Variants in VTI1A observed in about 807,000 individuals in gnomAD.
VTI1A encodes the protein vesicle transport through interaction with t-SNAREs 1A, also known as vesicle transport through interaction with t-SNAREs homolog 1A.
In VTI1A, 22 loss-of-function variants were observed where a neutral mutation model predicts 34.9. That is an observed-to-expected ratio of 0.63 (90% confidence interval 0.45 to 0.90). VTI1A has a LOEUF of 0.90. Ranked by LOEUF, VTI1A falls within the 40% of genes least tolerant of loss-of-function variation. The pLI is 0.00. For missense variants in VTI1A, 268 were observed against 275.6 expected (o/e 0.97, Z 0.20); for synonymous variants, 87 against 97.3 (o/e 0.89, Z 0.62).
chr10:112,754,395 G>C (rs760471413), intron 7 of VTI1A, among the ~76,000 whole-genome samples: 1 of 152,120 alleles, frequency 6.6e-6, no homozygotes, highest in African/African-American at 2.4e-5. Context: ...TAGAATCCAG[G>C]AATGTGCCTG....
intron 3 of VTI1A, among the ~76,000 whole-genome samples, chr10:112,511,313 G>A (rs953552092): frequency 8.0e-5 from 12 of 149,988 alleles, no homozygotes; most frequent in Non-Finnish European, 1.6e-4. Context: ...GCATGATCTC[G>A]GCTCACTGCA....
chr10:112,800,150 A>C (rs1234832993), intron 7 of VTI1A, among the ~76,000 whole-genome samples: 1 of 152,240 alleles, frequency 6.6e-6, no homozygotes, highest in East Asian at 1.9e-4. Context: ...GAGGAAAATA[A>C]AGCCCATCAC....
intron 7 of VTI1A, among the ~76,000 whole-genome samples, chr10:112,804,414 C>T (rs866335216): frequency 2.0e-5 from 3 of 152,194 alleles, no homozygotes; most frequent in African/African-American, 4.8e-5. Context: ...CCTGAAATAC[C>T]ATCTCCTTTT....
chr10:112,648,577 A>G (rs1479349747), intron 5 of VTI1A, among the ~76,000 whole-genome samples: 1 of 152,222 alleles, frequency 6.6e-6, no homozygotes, highest in South Asian at 2.1e-4. Context: ...CATTTTTCCT[A>G]TGGTACTAGA....
At chr10:112,555,826 G>A (rs1341436761) in intron 5 of VTI1A, among the ~76,000 whole-genome samples, 1 of 151,918 alleles carries the variant, frequency 6.6e-6, no homozygotes, top group South Asian at 2.1e-4. Context: ...TTTAGTTTTG[G>A]TGTTTAAGGA....
At chr10:112,464,218 A>G (rs1847822200) in intron 2 of VTI1A, among the ~76,000 whole-genome samples, 1 of 152,184 alleles carries the variant, frequency 6.6e-6, no homozygotes. Context: ...AGCTGTTCTC[A>G]AACTCCTGAC....
intron 7 of VTI1A, among the ~76,000 whole-genome samples, chr10:112,717,813 G>C (rs908897377): frequency 7.9e-5 from 12 of 152,182 alleles, no homozygotes; most frequent in African/African-American, 2.7e-4. Flanking sequence ...ATGCAGGGGT[G>C]GCAGGTTGAC....
At chr10:112,487,371 GC>G (rs755655796) in intron 3 of VTI1A, among the ~76,000 whole-genome samples, 119 of 152,104 alleles carry the variant, frequency 7.8e-4, no homozygotes, top group Admixed American at 2.0e-3. Context: ...TGATCCACCT[GC>G]CTCAGCCTCC....
intron 3 of VTI1A, among the ~76,000 whole-genome samples, chr10:112,493,777 T>C (rs950498017): frequency 6.6e-6 from 1 of 152,214 alleles, no homozygotes; most frequent in African/African-American, 2.4e-5. Context: ...AATTGATTTT[T>C]AGATGTAAAA....
At chr10:112,622,712 C>T (rs1845779972) in intron 5 of VTI1A, among the ~76,000 whole-genome samples, 1 of 152,126 alleles carries the variant, frequency 6.6e-6, no homozygotes, top group Non-Finnish European at 1.5e-5. Flanking sequence ...TTCTTTCAAA[C>T]ATCTTGAAAA....
intron 5 of VTI1A, among the ~76,000 whole-genome samples, chr10:112,576,019 C>CTTTTTTT (rs760363890): frequency 6.1e-5 from 8 of 131,288 alleles, no homozygotes; most frequent in African/African-American, 1.1e-4. Flanking sequence ...CTTTTCTTTT[C>CTTTTTTT]TTTTTTTTTT....
chr10:112,608,269 C>T (rs1845164277), intron 5 of VTI1A, among the ~76,000 whole-genome samples: 1 of 152,206 alleles, frequency 6.6e-6, no homozygotes, highest in Non-Finnish European at 1.5e-5. Flanking sequence ...CTGTTACATA[C>T]ATGCATGCAT....
intron 5 of VTI1A, among the ~76,000 whole-genome samples, chr10:112,639,834 T>A (rs1414372139): frequency 6.6e-6 from 1 of 152,254 alleles, no homozygotes; most frequent in East Asian, 1.9e-4. Context: ...TTCCAGAAAC[T>A]ACACATATTC....
the VTI1A span, among the ~76,000 whole-genome samples, chr10:112,845,184 G>C: frequency 6.6e-6 from 1 of 151,652 alleles, no homozygotes; most frequent in African/African-American, 2.4e-5. Flanking sequence ...TTCCACGCCT[G>C]CTCTGCGGGG....
chr10:112,538,351 C>T (rs1407321663), intron 5 of VTI1A, 21 bp downstream of exon 5: 9 of 1,607,850 alleles, frequency 5.6e-6, no homozygotes, highest in Non-Finnish European at 6.8e-6. Flanking sequence ...TGAGAGTGAG[C>T]AAATTGTCTT....
intron 5 of VTI1A, among the ~76,000 whole-genome samples, chr10:112,607,577 T>C (rs1304345041): frequency 6.6e-6 from 1 of 152,202 alleles, no homozygotes; most frequent in Non-Finnish European, 1.5e-5. Context: ...CTGCCCCACT[T>C]CTATTACTTG....
At chr10:112,812,936 A>G (rs1853368596) in intron 7 of VTI1A, among the ~76,000 whole-genome samples, 1 of 152,186 alleles carries the variant, frequency 6.6e-6, no homozygotes, top group Non-Finnish European at 1.5e-5. Flanking sequence ...TTTCCTGCAA[A>G]TTAATTGCAC....
chr10:112,779,757 G>A (rs1412088241), intron 7 of VTI1A, among the ~76,000 whole-genome samples: 1 of 151,802 alleles, frequency 6.6e-6, no homozygotes, highest in Admixed American at 6.6e-5. Context: ...TAGAATAATC[G>A]GAAAATAGGC....
intron 7 of VTI1A, among the ~76,000 whole-genome samples, chr10:112,698,516 T>C (rs1848874466): frequency 6.6e-6 from 1 of 152,224 alleles, no homozygotes; most frequent in Non-Finnish European, 1.5e-5. Context: ...AATAATTTAT[T>C]GTGTTAAGTT....
Sources: gnomAD v4.1 joint callset for allele counts (sites outside exome capture counted in the v4.1 genomes callset) on GRCh38, gnomAD v4.1.1 for gene constraint, MANE v1.5 for transcripts, NCBI Gene and HGNC (gene_info 2026-07-23, HGNC 2026-07-21) for gene names.